ALCAM: variants seen among roughly 807,000 people sequenced by gnomAD.
ALCAM encodes the protein activated leukocyte cell adhesion molecule, also known as CD166 antigen.
In ALCAM, 30 loss-of-function variants were observed where a neutral mutation model predicts 70.9. The observed-to-expected ratio is 0.42, with a 90% CI of 0.32 to 0.57. The LOEUF (loss-of-function observed/expected upper bound fraction) is 0.57. Among genes scored for constraint, ALCAM ranks in the 20% least tolerant of loss-of-function variants. The pLI, the probability that ALCAM is intolerant of heterozygous loss-of-function variation, is 0.11. For missense variants in ALCAM, 591 were observed against 695.1 expected (o/e 0.85, Z 1.68); for synonymous variants, 249 against 242.5 (o/e 1.03, Z -0.25).
At chr3:105,461,781 A>G (rs1397967837) in intron 1 of ALCAM, among the ~76,000 whole-genome samples, 3 of 151,740 alleles carry the variant, frequency 2.0e-5, no homozygotes, top group African/African-American at 7.2e-5. Context: ...GATCTTGGAT[A>G]AAACAGGGAT....
At chr3:105,470,132 T>TACACACACACAC (rs35560211) in intron 1 of ALCAM, among the ~76,000 whole-genome samples, 9,254 of 145,526 alleles carry the variant, frequency 0.064, 374 homozygotes, top group Middle Eastern at 0.094. Flanking sequence ...GTTATATACA[T>TACACACACACAC]ACACACACAC....
chr3:105,515,434 C>T (rs1939356711), intron 1 of ALCAM, among the ~76,000 whole-genome samples: 1 of 151,956 alleles, frequency 6.6e-6, no homozygotes. Context: ...TAGTCCTATG[C>T]TAAGATTCTA....
At chr3:105,563,136 C>A (rs946996548) in intron 14 of ALCAM, among the ~76,000 whole-genome samples, 1 of 144,650 alleles carries the variant, frequency 6.9e-6, no homozygotes, top group East Asian at 2.0e-4. Flanking sequence ...AGGGTTGATT[C>A]TTTTTGAATA....
Position 105,552,857 on chromosome 3 carries a change from G to T in ALCAM, c.1664+272G>T, listed in dbSNP as rs542184898. ...TATTTGATTTTTTCAGTGCTTGAGT[G>T]AATTTTTTAAAGCGTATACTTCCTA... is the stretch of plus-strand genomic sequence containing the variant. On this transcript the variant is annotated intron_variant, in intron 14 of 15. Transcript: ENST00000306107. The T allele has an allele frequency of 7.8e-5, 94 of 1,210,186 alleles. No homozygotes were observed. In the African/African-American group the frequency reaches 1.4e-3, roughly 17 times the overall value. The allele number at this position is 1,210,186 out of a possible 1,614,324, so 75.0% of individuals were successfully genotyped here. A position where few individuals can be genotyped will look rare whatever the true frequency, so the allele number is the denominator to read the frequency against.
At chr3:105,396,112 G>A (rs1375175456) in intron 1 of ALCAM, among the ~76,000 whole-genome samples, 3 of 151,928 alleles carry the variant, frequency 2.0e-5, no homozygotes, top group African/African-American at 7.3e-5. Flanking sequence ...GCCTACTATA[G>A]CATTTTTTGC....
chr3:105,550,337 A>G lies in ALCAM; in HGVS notation c.1507+78A>G. The G allele has an allele frequency of 5.8e-6, 8 of 1,380,522 alleles. No individual in the cohort carries two copies. The South Asian group carries it at 9.6e-5, about 17-fold the overall frequency. 85.5% of individuals were successfully genotyped at this position (1,380,522 alleles called of 1,614,324 possible). A position where few individuals can be genotyped will look rare whatever the true frequency, so the allele number is the denominator to read the frequency against. ...TCATTAGTTTAAAATCTTCAATTCC[A>G]TCTTCCTGTACTGCATTATGGTAAG... On this transcript the variant is annotated intron_variant, in intron 12 of 15. Coordinates refer to ENST00000306107, the MANE Select transcript of ALCAM (RefSeq NM_001627.4).
intron 14 of ALCAM, among the ~76,000 whole-genome samples, chr3:105,559,687 C>A (rs1038523928): frequency 2.0e-5 from 3 of 152,184 alleles, no homozygotes; most frequent in African/African-American, 7.2e-5. Context: ...ACATCACCCC[C>A]AGAAAGTTCC....
chr3:105,530,995 A>C (rs1939824909), intron 3 of ALCAM, among the ~76,000 whole-genome samples: 1 of 152,084 alleles, frequency 6.6e-6, no homozygotes, highest in South Asian at 2.1e-4. Flanking sequence ...ATTAGGTGGT[A>C]AACAATAAGA....
chr3:105,392,555 GT>G (rs989468239), intron 1 of ALCAM, among the ~76,000 whole-genome samples: 4 of 151,074 alleles, frequency 2.6e-5, no homozygotes, highest in Admixed American at 2.0e-4. Flanking sequence ...TTTTTGAAGG[GT>G]TTTTTTATGC....
At chr3:105,563,959 C>A (rs553440033) in intron 14 of ALCAM, among the ~76,000 whole-genome samples, 46 of 151,834 alleles carry the variant, frequency 3.0e-4, no homozygotes, top group African/African-American at 1.1e-3. Context: ...AGTGCTGGGA[C>A]TACAGGCGTG....
chr3:105,367,069 A>G lies in ALCAM; in HGVS notation c.-340A>G. The G allele has an allele frequency of 4.5e-6, 1 of 223,680 alleles. No individual in the cohort carries two copies. The highest frequency in any genetic ancestry group is 9.1e-6 in the Non-Finnish European group (1 of 109,536). The allele number at this position is 223,680 out of a possible 1,614,324, so 13.9% of individuals were successfully genotyped here. On this transcript the variant is annotated 5_prime_UTR_variant, in exon 1 of 16. Transcript: ENST00000306107. ...TTATTATTATCATTCCAATACAAGG[A>G]AAATAAAAGAAGATACCAGCGAAAA... is the stretch of plus-strand genomic sequence containing the variant.
At chr3:105,429,801 A>C (rs1441999146) in intron 1 of ALCAM, among the ~76,000 whole-genome samples, 1 of 152,024 alleles carries the variant, frequency 6.6e-6, no homozygotes, top group East Asian at 1.9e-4. Flanking sequence ...ACTTATGTTT[A>C]AAAATGAGAT....
chr3:105,387,159 G>A (rs1270661301), intron 1 of ALCAM, among the ~76,000 whole-genome samples: 1 of 151,424 alleles, frequency 6.6e-6, no homozygotes, highest in Non-Finnish European at 1.5e-5. Context: ...CTCACAGGCT[G>A]AGCGTCCAAA....
Position 105,511,882 on chromosome 3 carries a change from A to T in ALCAM, c.74-8185A>T, listed in dbSNP as rs573792953. On this transcript the variant is annotated intron_variant, in intron 1 of 15. Coordinates refer to ENST00000306107, the MANE Select transcript of ALCAM (RefSeq NM_001627.4). ...GAAGCAGAAATCTACTACTCTGCTC[A>T]TTTAGTAGCCCTAATAATCCACTTT... is the stretch of plus-strand genomic sequence containing the variant. Among the ~76,000 whole-genome samples the T allele has an allele frequency of 7.8e-5, 7 of 89,620 alleles. No homozygotes were observed. The East Asian group carries it at 3.3e-3, about 42-fold the overall frequency. The allele number at this position is 89,620 out of a possible 152,430, so 58.8% of individuals were successfully genotyped here. A position where few individuals can be genotyped will look rare whatever the true frequency, so the allele number is the denominator to read the frequency against.
intron 1 of ALCAM, among the ~76,000 whole-genome samples, chr3:105,402,910 T>A (rs1233852783): frequency 2.0e-5 from 3 of 150,368 alleles, no homozygotes; most frequent in Non-Finnish European, 4.4e-5. Flanking sequence ...CAAGTTTGCA[T>A]CTTCTCTATA....
chr3:105,561,506 T>C (rs1463297458), intron 14 of ALCAM, among the ~76,000 whole-genome samples: 1 of 152,126 alleles, frequency 6.6e-6, no homozygotes, highest in Non-Finnish European at 1.5e-5. Flanking sequence ...ATGTTAGCTG[T>C]ATGTCCCTAC....
intron 1 of ALCAM, among the ~76,000 whole-genome samples, chr3:105,394,216 G>A (rs532018194): frequency 5.9e-5 from 9 of 151,902 alleles, no homozygotes; most frequent in Admixed American, 2.0e-4. Flanking sequence ...TAAAGTAATC[G>A]GTTAATTTTG....
At chr3:105,374,412 A>G (rs997134610) in intron 1 of ALCAM, among the ~76,000 whole-genome samples, 2 of 152,212 alleles carry the variant, frequency 1.3e-5, no homozygotes, top group African/African-American at 4.8e-5. Flanking sequence ...TTCTTAAAAA[A>G]GAACGTAATG....
intron 1 of ALCAM, among the ~76,000 whole-genome samples, chr3:105,379,208 T>C (rs2107330517): frequency 6.6e-6 from 1 of 152,124 alleles, no homozygotes; most frequent in South Asian, 2.1e-4. Context: ...CTCAACCAAA[T>C]AATAATCATT....
Sources: gnomAD v4.1 joint callset for allele counts (sites outside exome capture counted in the v4.1 genomes callset) on GRCh38, gnomAD v4.1.1 for gene constraint, MANE v1.5 for transcripts, NCBI Gene and HGNC (gene_info 2026-07-23, HGNC 2026-07-21) for gene names.